SPICE1: variants seen among roughly 807,000 people sequenced by gnomAD.
SPICE1 encodes spindle and centriole associated protein 1.
SPICE1 carries 75 observed loss-of-function variants against 102.7 expected under a neutral mutation model. The observed-to-expected ratio is 0.73, with a 90% confidence interval of 0.61 to 0.88. The LOEUF is 0.88. Ranked by LOEUF, SPICE1 falls within the 40% of genes least tolerant of loss-of-function variation. The pLI is 0.00. For synonymous variants in SPICE1, 308 were observed against 350.3 expected, an observed-to-expected ratio of 0.88 and a Z score of 1.35; for missense variants, 979 against 1,020.1, an observed-to-expected ratio of 0.96 and a Z score of 0.55.
At chr3:113,458,610 T>C (rs1246009808) in intron 12 of SPICE1, among the ~76,000 whole-genome samples, 1 of 152,176 alleles carries the variant, frequency 6.6e-6, no homozygotes, top group Non-Finnish European at 1.5e-5. Context: ...AGTGCCGAGA[T>C]TGCAGCCTCT....
chr3:113,509,311 A>G (rs898763485), intron 1 of SPICE1, among the ~76,000 whole-genome samples: 1 of 152,220 alleles, frequency 6.6e-6, no homozygotes, highest in Non-Finnish European at 1.5e-5. Context: ...AACCACTTAG[A>G]TCTTTAACCA....
chr3:113,465,188 TTAAAA>T (rs1435558368), intron 11 of SPICE1, among the ~76,000 whole-genome samples: 1 of 152,034 alleles, frequency 6.6e-6, no homozygotes, highest in Non-Finnish European at 1.5e-5. Flanking sequence ...TGTAAGTCTT[TTAAAA>T]AAGAAAAGGA....
chr3:113,503,072 T>C (rs1937039814), intron 3 of SPICE1, 108 bp downstream of exon 3: 1 of 1,167,862 alleles, frequency 8.6e-7, no homozygotes, highest in Admixed American at 2.4e-5. Flanking sequence ...AGATTAAACA[T>C]AACTGAACAA....
intron 1 of SPICE1, among the ~76,000 whole-genome samples, chr3:113,507,362 T>A (rs935497768): frequency 6.6e-6 from 1 of 152,112 alleles, no homozygotes; most frequent in South Asian, 2.1e-4. Flanking sequence ...TAAAAAGCAA[T>A]ACATATACAT....
intron 7 of SPICE1, among the ~76,000 whole-genome samples, chr3:113,477,170 A>T (rs1936371673): frequency 6.6e-6 from 1 of 152,234 alleles, no homozygotes; most frequent in South Asian, 2.1e-4. Flanking sequence ...TGCAGCCAAA[A>T]AAACACATGA....
chr3:113,445,796 C>A (rs553265551), intron 17 of SPICE1, among the ~76,000 whole-genome samples: 1 of 152,208 alleles, frequency 6.6e-6, no homozygotes, highest in African/African-American at 2.4e-5. Flanking sequence ...ATCTATCATT[C>A]CCCTATCATT....
At position 113,473,312 on chromosome 3, in the gene SPICE1, G is replaced by C. The variant is rs868611465; in HGVS notation, c.612-4074C>G. On this transcript the variant is annotated intron_variant, in intron 7 of 17. Transcript: ENST00000295872. ...GAAAAGACCAAATCTACGTCTGATT[G>C]GTGTACCTGAAAGTGACAGGGAGAA... is the stretch of plus-strand genomic sequence containing the variant. Among the ~76,000 whole-genome samples, 10 of 152,260 alleles carry C rather than the reference G, an allele frequency of 6.6e-5. No homozygotes were observed. In the Middle Eastern group the frequency reaches 0.02, roughly 311 times the overall value.
chr3:113,490,837 C>T (rs888724721), intron 6 of SPICE1, among the ~76,000 whole-genome samples: 2 of 152,166 alleles, frequency 1.3e-5, no homozygotes, highest in African/African-American at 2.4e-5. Context: ...TATCGGCCAC[C>T]GAATCCTGCC....
rs777200769 is a variant in SPICE1 at position 113,459,465 on chromosome 3, AC to A, written c.1435+1151del. The A allele has an allele frequency of 2.7e-4, 267 of 979,038 alleles. 1 individual carries two copies. The highest frequency in any genetic ancestry group is 1.9e-3 in the South Asian group (40 of 21,152). 60.6% of individuals were successfully genotyped at this position (979,038 alleles called of 1,614,324 possible). A position where few individuals can be genotyped will look rare whatever the true frequency, so the allele number is the denominator to read the frequency against. ...ACAAAACAAAACAAAACAAAAAAAA[AC>A]AATAATTCTACAATATATTTACTCC... On this transcript the variant is annotated intron_variant, in intron 12 of 17. Coordinates refer to ENST00000295872, the MANE Select transcript of SPICE1 (RefSeq NM_144718.4).
chr3:113,497,852 G>C (rs1355653646), intron 4 of SPICE1, among the ~76,000 whole-genome samples: 1 of 150,192 alleles, frequency 6.7e-6, no homozygotes, highest in African/African-American at 2.5e-5. Context: ...ACAGGCACCT[G>C]CCACTGTACC....
chr3:113,445,334 C>CAA lies in SPICE1; in HGVS notation c.2540_2541insTT (p.Trp847CysfsTer12). The CAA allele has an allele frequency of 6.2e-7, 1 of 1,612,472 alleles. No individual in the cohort carries two copies. ...ATGATACATGGGTAGAAAGAGCAAA[C>CAA]CAGCCTTCTTCATTCTGTTTCTCAA... On this transcript the variant is annotated frameshift_variant, in exon 18 of 18. Transcript: ENST00000295872. LOFTEE classifies it high-confidence loss of function.
At chr3:113,455,944 T>C (rs1935769049) in intron 13 of SPICE1, among the ~76,000 whole-genome samples, 1 of 152,196 alleles carries the variant, frequency 6.6e-6, no homozygotes, top group Non-Finnish European at 1.5e-5. Flanking sequence ...ATGATAGAGC[T>C]GGAGGGAACA....
chr3:113,487,889 T>G (rs1223719407), intron 7 of SPICE1, among the ~76,000 whole-genome samples: 1 of 152,186 alleles, frequency 6.6e-6, no homozygotes, highest in Non-Finnish European at 1.5e-5. Flanking sequence ...AAGCTGAGTC[T>G]AATAATGAAG....
At chr3:113,483,570 TG>T (rs952964333) in intron 7 of SPICE1, among the ~76,000 whole-genome samples, 80 of 152,320 alleles carry the variant, frequency 5.3e-4, no homozygotes, top group African/African-American at 1.7e-3. Flanking sequence ...CCTAGTTTAT[TG>T]AATTTTTAGC....
At position 113,446,659 on chromosome 3, in the gene SPICE1, C is replaced by G; in HGVS notation, c.2444G>C (p.Gly815Ala). The change falls in exon 17 of 18, where the codon GGT (glycine) becomes GCT (alanine). Residue 815 changes from glycine to alanine, a missense_variant. Gly to Ala is a moderately conservative substitution (Grantham distance 60, BLOSUM62 0). Coordinates refer to ENST00000295872, the MANE Select transcript of SPICE1 (RefSeq NM_144718.4). ...INTRRSSGAT[G>A]NSCSPLNATS... is the part of the protein sequence containing the mutation. The stretch of plus-strand genomic sequence containing the variant: ...GGCATTTAGTGGAGAACAAGAATTA[C>G]CAGTAGCCCCGGAAGATCTATTCAT... 1 of 1,613,208 alleles carries G rather than the reference C, an allele frequency of 6.2e-7. No individual in the cohort carries two copies. Among genetic ancestry groups the G allele is most frequent in the Non-Finnish European group, 8.5e-7 (1 of 1,179,414 alleles).
At chr3:113,460,801 T>A (rs1454411341) in intron 11 of SPICE1, 37 bp from the exon 12 acceptor site, 2 of 1,540,580 alleles carry the variant, frequency 1.3e-6, no homozygotes, top group African/African-American at 2.8e-5. Context: ...ATTATTAGCA[T>A]ATCAAACATC....
In SPICE1 at chr3:113,465,667, T is replaced by G. The variant is rs2107460533; in HGVS notation, c.1273A>C (p.Asn425His). Reference protein sequence around the residue: ...TAEILRLREENAATQARLQQY... With the variant: ...TAEILRLREEHAATQARLQQY... ...CATCTGAGTACCTGTGTAGCAGCGTTTTCTTCTCTAAGACGAAGAATTTCA... is the reference window on the plus strand; with the variant it reads ...CATCTGAGTACCTGTGTAGCAGCGTGTTCTTCTCTAAGACGAAGAATTTCA... Residue 425 changes from asparagine (N) to histidine (H), a missense_variant, in exon 11 of 18, where the codon AAC (asparagine) becomes CAC (histidine). Transcript: ENST00000295872. 1 of 1,613,676 alleles carries G rather than the reference T, an allele frequency of 6.2e-7. No homozygotes were observed. Among genetic ancestry groups the G allele is most frequent in the Non-Finnish European group, 8.5e-7 (1 of 1,179,838 alleles).
intron 14 of SPICE1, among the ~76,000 whole-genome samples, chr3:113,452,475 G>A (rs1383678160): frequency 5.3e-5 from 8 of 150,840 alleles, no homozygotes; most frequent in Admixed American, 4.6e-4. Flanking sequence ...CTTGTGGTCA[G>A]GAGTTCGAGA....
chr3:113,471,009 G>A (rs1936182019), intron 7 of SPICE1, among the ~76,000 whole-genome samples: 1 of 152,152 alleles, frequency 6.6e-6, no homozygotes, highest in South Asian at 2.1e-4. Flanking sequence ...TCCCATAACT[G>A]ATTTAGATGA....
Sources: gnomAD v4.1 joint callset for allele counts (sites outside exome capture counted in the v4.1 genomes callset) on GRCh38, gnomAD v4.1.1 for gene constraint, MANE v1.5 for transcripts, NCBI Gene and HGNC (gene_info 2026-07-23, HGNC 2026-07-21) for gene names.